The following MRPL58 variants were observed in gnomAD, a reference collection of about 807,000 sequenced individuals.
The protein encoded by MRPL58 is large ribosomal subunit protein mL62.
MRPL58 carries 17 observed loss-of-function variants against 26.0 expected under a neutral mutation model. The ratio of observed to expected loss-of-function variants is 0.65; its 90% CI spans 0.45 to 0.98. The LOEUF is 0.98. MRPL58 is among the 50% of genes least tolerant of loss of function. MRPL58 has a pLI of 0.00. For missense variants in MRPL58, 250 were observed against 269.0 expected (o/e 0.93, Z 0.49); for synonymous variants, 100 against 99.7 (o/e 1.00, Z -0.02).
Position 75,019,732 on chromosome 17 carries a change from G to C in MRPL58, c.256G>C (p.Gly86Arg), listed in dbSNP as rs147649597. 6.2e-7 allele frequency: 1 copy of C among 1,608,986 alleles called. No individual in the cohort carries two copies. The highest frequency in any genetic ancestry group is 1.3e-5 in the African/African-American group (1 of 74,766). The change falls in exon 3 of 6, where the codon GGT becomes CGT. Residue 86 changes from glycine to arginine, a missense_variant. Coordinates refer to ENST00000301585, the MANE Select transcript of MRPL58 (RefSeq NM_001545.3). Reference protein sequence around the residue: ...RLTISYCRSSGPGGQNVNKVN... With the variant: ...RLTISYCRSSRPGGQNVNKVN... ...GACAATATCTTATTGTCGGAGTAGT[G>C]GTCCTGGGGGGCAGAATGTGAACAA...
chr17:75,017,737 G>A (rs556642245), intron 2 of MRPL58, among the ~76,000 whole-genome samples: 26 of 151,890 alleles, frequency 1.7e-4, no homozygotes, highest in Admixed American at 1.1e-3. Context: ...AACAGAGTAA[G>A]ACTCTGTCTC....
chr17:75,017,299 T>A (rs533237896), intron 2 of MRPL58, among the ~76,000 whole-genome samples, 185 bp downstream of exon 2: 3 of 147,090 alleles, frequency 2.0e-5, no homozygotes, highest in South Asian at 2.2e-4. Context: ...CTGGAAAAAA[T>A]TAAAAATTAA....
At chr17:75,018,073 G>A (rs2039986870) in intron 2 of MRPL58, among the ~76,000 whole-genome samples, 1 of 152,136 alleles carries the variant, frequency 6.6e-6, no homozygotes, top group Admixed American at 6.5e-5. Flanking sequence ...ATGATGGTGT[G>A]GCCAGTCGCA....
chr17:75,020,953 A>C lies in MRPL58; in HGVS notation c.569A>C (p.Gln190Pro). ...AACATGAATCGGGAAAGGCTGAGAC[A>C]AAAGAGAATTCATTCTGCTGTAAAG... ...IENMNRERLRQKRIHSAVKTS... is the reference protein window; with the variant it reads ...IENMNRERLRPKRIHSAVKTS... The change falls in exon 6 of 6, where the codon CAA (glutamine) becomes CCA (proline). Residue 190 changes from glutamine to proline, a missense_variant. Transcript: ENST00000301585. 1 of 1,614,094 alleles carries C rather than the reference A, an allele frequency of 6.2e-7. No homozygotes were observed. Among genetic ancestry groups the C allele is most frequent in the Non-Finnish European group, 8.5e-7 (1 of 1,179,948 alleles).
intron 3 of MRPL58, 36 bp from the exon 4 acceptor site, chr17:75,020,277 C>A: frequency 6.4e-7 from 1 of 1,556,348 alleles, no homozygotes; most frequent in Non-Finnish European, 8.9e-7. Flanking sequence ...CTGGAAGTCT[C>A]AGGCACCCAT....
chr17:75,013,263 C>G (rs750643485), intron 1 of MRPL58, among the ~76,000 whole-genome samples: 5 of 152,188 alleles, frequency 3.3e-5, no homozygotes, highest in Non-Finnish European at 7.3e-5. Flanking sequence ...CTAGTAACCC[C>G]AGGACGCGCG....
chr17:75,017,121 A>T lies in MRPL58; in HGVS notation c.223+7A>T. On this transcript the variant is annotated splice_region_variant and intron_variant, in intron 2 of 5. Coordinates refer to ENST00000301585, the MANE Select transcript of MRPL58 (RefSeq NM_001545.3). ...GACAGTGACATCCCTCTAGGTAAGT[A>T]ATTTTGTTTTCTTAAAAATCAGTTG... 6.2e-7 allele frequency: 1 copy of T among 1,610,254 alleles called. No individual in the cohort carries two copies. The highest frequency in any genetic ancestry group is 8.5e-7 in the Non-Finnish European group (1 of 1,176,580).
At chr17:75,015,815 T>TGGAGTGCAGTGTCCCAGGCA in intron 1 of MRPL58, among the ~76,000 whole-genome samples, 1 of 152,200 alleles carries the variant, frequency 6.6e-6, no homozygotes, top group Admixed American at 6.5e-5. Flanking sequence ...TCACCCAGGC[T>TGGAGTGCAGTGTCCCAGGCA]GGAGTGCAGT....
In MRPL58 at chr17:75,019,743, G is replaced by T; in HGVS notation, c.267G>T (p.Gly89=). Residue 89 remains glycine, a synonymous_variant, in exon 3 of 6, where the codon GGG becomes GGT. Transcript: ENST00000301585. ...ATTGTCGGAGTAGTGGTCCTGGGGG[G>T]CAGAATGTGAACAAAGGTACGGGGT... ...ISYCRSSGPG[G]QNVNKVNSKA... is the part of the protein sequence containing the mutation. The T allele has an allele frequency of 6.2e-7, 1 of 1,606,786 alleles. No individual in the cohort carries two copies. The highest frequency in any genetic ancestry group is 1.1e-5 in the South Asian group (1 of 90,462).
At chr17:75,015,948 G>A (rs1203078010) in intron 1 of MRPL58, among the ~76,000 whole-genome samples, 2 of 150,080 alleles carry the variant, frequency 1.3e-5, no homozygotes, top group Non-Finnish European at 3.0e-5. Context: ...ACCATGCCTA[G>A]CTAATTTTGT....
rs570442121 is a variant in MRPL58, at chr17:75,014,714, T to G, written c.186+1842T>G. Among the ~76,000 whole-genome samples, 22 of 152,012 alleles carry G rather than the reference T, an allele frequency of 1.4e-4. No individual in the cohort carries two copies. The East Asian group carries it at 4.3e-3, about 30-fold the overall frequency. On this transcript the variant is annotated intron_variant, in intron 1 of 5. Transcript: ENST00000301585. Reference sequence around the variant, plus strand: ...TGCTCGCCTCAGCCTCCCAAAGTGCTGGGATTACAGGCGTGAGCCACCATG... The same window carrying G: ...TGCTCGCCTCAGCCTCCCAAAGTGCGGGGATTACAGGCGTGAGCCACCATG...
At chr17:75,016,892 T>C (rs944414879) in intron 1 of MRPL58, among the ~76,000 whole-genome samples, 186 bp from the exon 2 acceptor site, 3 of 152,262 alleles carry the variant, frequency 2.0e-5, no homozygotes, top group Non-Finnish European at 4.4e-5. Flanking sequence ...GGAGTGTTTC[T>C]GAGGTGGTAC....
Position 75,019,727 on chromosome 17 carries a change from G to C in MRPL58, c.251G>C (p.Ser84Thr). Residue 84 changes from serine (S) to threonine (T), a missense_variant, in exon 3 of 6, where the codon AGT becomes ACT. Coordinates refer to ENST00000301585, the MANE Select transcript of MRPL58 (RefSeq NM_001545.3). ...LDRLTISYCR[S>T]SGPGGQNVNK... Reference sequence around the variant, plus strand: ...CGCTTGACAATATCTTATTGTCGGAGTAGTGGTCCTGGGGGGCAGAATGTG... The same window carrying C: ...CGCTTGACAATATCTTATTGTCGGACTAGTGGTCCTGGGGGGCAGAATGTG... The C allele has an allele frequency of 6.2e-7, 1 of 1,611,510 alleles. No homozygotes were observed. Among genetic ancestry groups the C allele is most frequent in the South Asian group, 1.1e-5 (1 of 90,978 alleles).
At chr17:75,013,415 T>A (rs2144880021) in intron 1 of MRPL58, among the ~76,000 whole-genome samples, 1 of 151,994 alleles carries the variant, frequency 6.6e-6, no homozygotes, top group African/African-American at 2.4e-5. Flanking sequence ...GAAAAGAATA[T>A]CCATTCATTT....
chr17:75,020,225 T>C (rs1245956364), intron 3 of MRPL58, 88 bp from the exon 4 acceptor site: 7 of 1,041,396 alleles, frequency 6.7e-6, no homozygotes, highest in Admixed American at 1.7e-5. Context: ...TGGCCTCCCT[T>C]TATTTCAGAA....
chr17:75,015,486 A>G (rs1021376097), intron 1 of MRPL58, among the ~76,000 whole-genome samples: 3 of 152,192 alleles, frequency 2.0e-5, no homozygotes, highest in African/African-American at 7.2e-5. Flanking sequence ...CTCCATCTCA[A>G]AACAAAAACG....
intron 2 of MRPL58, among the ~76,000 whole-genome samples, chr17:75,018,096 G>T (rs906088600): frequency 1.3e-5 from 2 of 152,202 alleles, no homozygotes; most frequent in African/African-American, 4.8e-5. Context: ...GTACTGTGCC[G>T]TGTGCCACGT....
At chr17:75,019,825 T>C in intron 3 of MRPL58, 66 bp downstream of exon 3, 1 of 1,258,664 alleles carries the variant, frequency 7.9e-7, no homozygotes, top group Non-Finnish European at 1.1e-6. Flanking sequence ...TGAGGAGCTC[T>C]GTGTTTGTGT....
chr17:75,020,056 AT>A (rs35323952), intron 3 of MRPL58, among the ~76,000 whole-genome samples: 14,188 of 123,720 alleles, frequency 0.11, 1,449 homozygotes, highest in African/African-American at 0.34. Flanking sequence ...CATTCCCTCC[AT>A]TTTTTTTTTT....
Sources: gnomAD v4.1 joint callset for allele counts (sites outside exome capture counted in the v4.1 genomes callset) on GRCh38, gnomAD v4.1.1 for gene constraint, MANE v1.5 for transcripts, NCBI Gene and HGNC (gene_info 2026-07-23, HGNC 2026-07-21) for gene names.